DAB1: variants seen among roughly 807,000 people sequenced by gnomAD.
DAB1 encodes DAB adaptor protein 1.
DAB1 carries 15 observed loss-of-function variants against 64.6 expected under a neutral mutation model. That is an observed-to-expected ratio of 0.23 (90% CI 0.16 to 0.36). The LOEUF is 0.36. Ranked by LOEUF, DAB1 falls within the 10% of genes least tolerant of loss-of-function variation. The pLI is 1.00. For missense variants in DAB1, 596 were observed against 706.7 expected (o/e 0.84, Z 1.78); for synonymous variants, 235 against 251.9 (o/e 0.93, Z 0.64).
At chr1:58,355,313 G>T (rs2100519206) in intron 3 of DAB1, among the ~76,000 whole-genome samples, 1 of 152,308 alleles carries the variant, frequency 6.6e-6, no homozygotes, top group Non-Finnish European at 1.5e-5. Context: ...TGGCAAATGT[G>T]AATTGAAAGG....
chr1:57,531,021 T>C (rs905474986), intron 7 of DAB1, among the ~76,000 whole-genome samples: 3 of 152,156 alleles, frequency 2.0e-5, no homozygotes, highest in African/African-American at 7.2e-5. Flanking sequence ...GACTTACTTT[T>C]GATTTAAGTA....
At chr1:57,760,787 G>C (rs1177081233) in intron 6 of DAB1, among the ~76,000 whole-genome samples, 1 of 152,118 alleles carries the variant, frequency 6.6e-6, no homozygotes, top group Admixed American at 6.6e-5. Flanking sequence ...GGCTGGCCAT[G>C]ACATGTCCTT....
At chr1:58,352,045 A>G (rs1455979142) in intron 3 of DAB1, among the ~76,000 whole-genome samples, 3 of 151,722 alleles carry the variant, frequency 2.0e-5, no homozygotes, top group Middle Eastern at 3.2e-3. Flanking sequence ...CTCCTCCGCC[A>G]TGAAGCCCTA....
chr1:57,868,872 C>T (rs910888199), intron 1 of DAB1, among the ~76,000 whole-genome samples: 1 of 152,064 alleles, frequency 6.6e-6, no homozygotes, highest in Non-Finnish European at 1.5e-5. Flanking sequence ...CTTGACTCTT[C>T]CACCTAAACT....
intron 7 of DAB1, among the ~76,000 whole-genome samples, chr1:57,446,079 G>A (rs897270386): frequency 4.6e-5 from 7 of 152,196 alleles, no homozygotes; most frequent in African/African-American, 1.4e-4. Flanking sequence ...TGACCAGTTT[G>A]TCACTCACTT....
chr1:57,095,459 C>A (rs193065688), intron 4 of DAB1, among the ~76,000 whole-genome samples: 45 of 152,280 alleles, frequency 3.0e-4, no homozygotes, highest in African/African-American at 1.1e-3. Context: ...ACCAATGATC[C>A]ACTGCTACTT....
intron 4 of DAB1, among the ~76,000 whole-genome samples, chr1:57,125,379 G>A (rs916220119): frequency 1.3e-5 from 2 of 152,178 alleles, no homozygotes; most frequent in Non-Finnish European, 1.5e-5. Context: ...TAATATTAGT[G>A]TAGTGCTCCA....
At chr1:57,520,921 A>G (rs544629690) in intron 7 of DAB1, among the ~76,000 whole-genome samples, 5 of 152,164 alleles carry the variant, frequency 3.3e-5, no homozygotes, top group Admixed American at 6.5e-5. Context: ...GTCAAGCAGA[A>G]AAGACATTGG....
chr1:58,213,732 T>C lies in DAB1; in HGVS notation n.310-63144A>G, dbSNP rs149596387. 5.9e-5 allele frequency among the ~76,000 whole-genome samples: 9 copies of C among 152,298 alleles called. No individual in the cohort carries two copies. In the East Asian group the frequency reaches 1.7e-3, roughly 29 times the overall value. On this transcript the variant is annotated intron_variant and non_coding_transcript_variant, in intron 4 of 20. Transcript: ENST00000485760. ...TTTGGACAAAGCCAACTTCCTTTCT[T>C]GAATTACAGAAGTGTCTGGATCTGT... is the stretch of plus-strand genomic sequence containing the variant.
chr1:58,488,031 A>G (rs538221866), intron 3 of DAB1, among the ~76,000 whole-genome samples: 20 of 152,054 alleles, frequency 1.3e-4, no homozygotes, highest in Non-Finnish European at 1.5e-5. Context: ...TATTAATTAT[A>G]TTTTCCCTAT....
intron 4 of DAB1, among the ~76,000 whole-genome samples, chr1:58,305,978 A>ACCCCCCCCCCCCCCC (rs551601188): frequency 6.8e-6 from 1 of 147,740 alleles, no homozygotes; most frequent in African/African-American, 2.5e-5. Context: ...TGACAGGAGC[A>ACCCCCCCCCCCCCCC]CCCCCCCACC....
At chr1:58,298,547 T>C (rs1158433033) in intron 4 of DAB1, among the ~76,000 whole-genome samples, 5 of 152,352 alleles carry the variant, frequency 3.3e-5, no homozygotes, top group East Asian at 1.9e-4. Flanking sequence ...CCTATGCCTC[T>C]CCAGCAGCTC....
rs1651250471 is a variant in DAB1 at position 57,069,503 on chromosome 1, T to C, written c.598-78A>G. ...TAAAACAAGCATTTGGAAATTAAGA[T>C]ACAAATCACAGCGAGCATTAACGAA... On this transcript the variant is annotated intron_variant, in intron 7 of 14. Transcript: ENST00000371236. 6 of 1,225,606 alleles carry C rather than the reference T, an allele frequency of 4.9e-6. No homozygotes were observed. The South Asian group carries it at 4.9e-5, about 10-fold the overall frequency. The allele number at this position is 1,225,606 out of a possible 1,614,324, so 75.9% of individuals were successfully genotyped here. A position where few individuals can be genotyped will look rare whatever the true frequency, so the allele number is the denominator to read the frequency against.
intron 3 of DAB1, among the ~76,000 whole-genome samples, chr1:58,463,293 C>T (rs892756768): frequency 3.3e-5 from 5 of 152,142 alleles, no homozygotes; most frequent in African/African-American, 1.2e-4. Context: ...GGTGACAGGT[C>T]GTCGTATGAG....
chr1:58,464,760 G>A (rs1294121428), intron 3 of DAB1, among the ~76,000 whole-genome samples: 8 of 152,192 alleles, frequency 5.3e-5, no homozygotes, highest in Admixed American at 5.2e-4. Flanking sequence ...CAGGCTTCTT[G>A]GAGGAGGAGA....
chr1:58,518,354 G>GAAAAGAGAAGAGAAGAGAAGA (rs1428140129), intron 2 of DAB1, among the ~76,000 whole-genome samples: 2 of 32,434 alleles, frequency 6.2e-5, no homozygotes, highest in Admixed American at 6.7e-4. Context: ...AGAAGAGAAG[G>GAAAAGAGAAGAGAAGAGAAGA]GAAGGGAAGA....
chr1:57,785,347 C>T (rs1650292058), intron 6 of DAB1, among the ~76,000 whole-genome samples: 1 of 152,110 alleles, frequency 6.6e-6, no homozygotes, highest in African/African-American at 2.4e-5. Context: ...TTTTGACTTT[C>T]AAATATTTAA....
chr1:58,046,111 T>C (rs945063873), intron 5 of DAB1, among the ~76,000 whole-genome samples: 2 of 152,194 alleles, frequency 1.3e-5, no homozygotes, highest in African/African-American at 4.8e-5. Context: ...CAAGGCTTTA[T>C]TGAGTTAAGT....
At chr1:58,266,045 C>CCACCACCAT (rs1661152090) in intron 4 of DAB1, among the ~76,000 whole-genome samples, 1 of 150,850 alleles carries the variant, frequency 6.6e-6, no homozygotes, top group Admixed American at 6.6e-5. Context: ...CACCCCACCA[C>CCACCACCAT]CACCACCACC....
Sources: allele counts gnomAD v4.1 joint callset (sites outside exome capture counted in the v4.1 genomes callset), GRCh38; gene constraint gnomAD v4.1.1; transcripts MANE v1.5; gene names NCBI Gene and HGNC (gene_info 2026-07-23, HGNC 2026-07-21).